Variants in PDE1C observed in about 807,000 individuals in gnomAD.
The protein encoded by PDE1C is dual specificity calcium/calmodulin-dependent 3',5'-cyclic nucleotide phosphodiesterase 1C.
In PDE1C, 62 loss-of-function variants were observed where a neutral mutation model predicts 93.1. The ratio of observed to expected loss-of-function variants is 0.67; its 90% confidence interval spans 0.54 to 0.82. The LOEUF is 0.82. Ranked by LOEUF, PDE1C falls within the 40% of genes least tolerant of loss-of-function variation. The pLI is 0.00. For missense variants in PDE1C, 742 were observed against 884.6 expected (o/e 0.84, Z 2.04); for synonymous variants, 325 against 310.1 (o/e 1.05, Z -0.50).
At chr7:31,968,218 T>G (rs1171328637) in intron 2 of PDE1C, among the ~76,000 whole-genome samples, 2 of 152,192 alleles carry the variant, frequency 1.3e-5, no homozygotes, top group African/African-American at 2.4e-5. Flanking sequence ...CCCCATCGTC[T>G]CAGCCCAAAA....
intron 1 of PDE1C, among the ~76,000 whole-genome samples, chr7:32,058,872 A>G (rs1794453406): frequency 6.6e-6 from 1 of 152,202 alleles, no homozygotes; most frequent in African/African-American, 2.4e-5. Context: ...CTGATGAGCT[A>G]CAAAATGAAA....
chr7:32,109,499 G>T (rs1247305708), intron 3 of PDE1C, among the ~76,000 whole-genome samples: 1 of 152,134 alleles, frequency 6.6e-6, no homozygotes, highest in Non-Finnish European at 1.5e-5. Context: ...GGTTGTGGGG[G>T]CTGTCCTGTG....
At chr7:32,180,509 A>G (rs1395570711) in intron 2 of PDE1C, among the ~76,000 whole-genome samples, 5 of 152,178 alleles carry the variant, frequency 3.3e-5, no homozygotes, top group Non-Finnish European at 7.4e-5. Context: ...TGTCCCTTCC[A>G]TCATGTGAGG....
intron 6 of PDE1C, among the ~76,000 whole-genome samples, chr7:31,870,331 G>C (rs1562948477): frequency 6.6e-6 from 1 of 150,598 alleles, no homozygotes; most frequent in Admixed American, 6.6e-5. Context: ...TTTTTGAAAA[G>C]ACAAACAAAA....
chr7:31,806,095 T>A (rs1367812022), intron 16 of PDE1C, among the ~76,000 whole-genome samples: 1 of 151,898 alleles, frequency 6.6e-6, no homozygotes, highest in Non-Finnish European at 1.5e-5. Flanking sequence ...CATGAGACCA[T>A]CCATAAACAT....
chr7:32,337,284 G>GAA (rs1783646147), intron 1 of PDE1C, among the ~76,000 whole-genome samples: 19 of 152,248 alleles, frequency 1.2e-4, no homozygotes, highest in Admixed American at 1.2e-3. Flanking sequence ...CTTGAACAAG[G>GAA]CAGACACGTA....
intron 2 of PDE1C, among the ~76,000 whole-genome samples, chr7:31,985,036 G>A (rs1258371666): frequency 1.3e-5 from 2 of 152,120 alleles, no homozygotes; most frequent in African/African-American, 4.8e-5. Flanking sequence ...CAAAATGTAA[G>A]GAAATAATTA....
At chr7:32,119,281 A>G (rs932610526) in intron 3 of PDE1C, among the ~76,000 whole-genome samples, 1 of 152,110 alleles carries the variant, frequency 6.6e-6, no homozygotes, top group East Asian at 1.9e-4. Flanking sequence ...CTACAAAATG[A>G]CATTGAAAAG....
chr7:32,043,368 T>C (rs953486198), intron 2 of PDE1C, among the ~76,000 whole-genome samples: 9 of 152,148 alleles, frequency 5.9e-5, no homozygotes, highest in Non-Finnish European at 2.9e-5. Context: ...TTGGGAAGGA[T>C]TTAGAGATTT....
At chr7:32,203,536 C>T (rs1805182003) in intron 2 of PDE1C, among the ~76,000 whole-genome samples, 2 of 152,196 alleles carry the variant, frequency 1.3e-5, no homozygotes, top group African/African-American at 2.4e-5. Context: ...GCTTCACTCC[C>T]CCATCCACCC....
the PDE1C span, chr7:31,651,076 A>G: frequency 1.2e-5 from 18 of 1,553,068 alleles, no homozygotes; most frequent in South Asian, 2.0e-4. Context: ...GACAGGCTCC[A>G]CCATGGTGAG....
chr7:32,206,630 G>T (rs1234960640), intron 2 of PDE1C, among the ~76,000 whole-genome samples: 1 of 152,158 alleles, frequency 6.6e-6, no homozygotes, highest in African/African-American at 2.4e-5. Flanking sequence ...CTGCCCTTGT[G>T]GCTACGATGC....
intron 1 of PDE1C, among the ~76,000 whole-genome samples, chr7:32,244,059 C>A (rs10268033): frequency 2.0e-5 from 3 of 152,100 alleles, no homozygotes; most frequent in African/African-American, 7.3e-5. Flanking sequence ...CTTCTACATT[C>A]TGACACATGA....
chr7:31,720,020 G>A, the PDE1C span, among the ~76,000 whole-genome samples: 3 of 151,410 alleles, frequency 2.0e-5, no homozygotes, highest in Non-Finnish European at 4.4e-5. Context: ...AAAATTAGCC[G>A]GGCGCGGTGG....
intron 1 of PDE1C, among the ~76,000 whole-genome samples, chr7:32,335,301 A>G (rs982509163): frequency 2.0e-5 from 3 of 152,160 alleles, no homozygotes; most frequent in African/African-American, 7.2e-5. Context: ...TCTGCTCCTC[A>G]CTTGGGCCCT....
At chr7:32,308,086 G>A (rs111367791) in intron 1 of PDE1C, among the ~76,000 whole-genome samples, 2,077 of 152,294 alleles carry the variant, frequency 0.014, 49 homozygotes, top group African/African-American at 0.047. Context: ...ATTATATCCC[G>A]CACATGGCTC....
chr7:32,229,328 A>T (rs1415003521), intron 1 of PDE1C, among the ~76,000 whole-genome samples: 5 of 152,238 alleles, frequency 3.3e-5, no homozygotes, highest in African/African-American at 1.2e-4. Context: ...TGCACTGCAC[A>T]AGTCTAGGGA....
chr7:31,880,657 C>A lies in PDE1C; in HGVS notation c.242+90G>T. Reference sequence around the variant, plus strand: ...AAGATGAGTAATTTGAATGTCACCCCATTCCTGGCATGGGGGACAATTTCA... The same window carrying A: ...AAGATGAGTAATTTGAATGTCACCCAATTCCTGGCATGGGGGACAATTTCA... On this transcript the variant is annotated intron_variant, in intron 3 of 17. Coordinates refer to ENST00000396191, the MANE Select transcript of PDE1C (RefSeq NM_001191057.4). 15 of 734,498 alleles carry A rather than the reference C, an allele frequency of 2.0e-5. No homozygotes were observed. The South Asian group carries it at 2.2e-4, about 11-fold the overall frequency. 45.5% of individuals were successfully genotyped at this position (734,498 alleles called of 1,614,324 possible). A position where few individuals can be genotyped will look rare whatever the true frequency, so the allele number is the denominator to read the frequency against.
At chr7:31,927,220 G>C (rs1484003207) in intron 2 of PDE1C, among the ~76,000 whole-genome samples, 1 of 152,162 alleles carries the variant, frequency 6.6e-6, no homozygotes, top group African/African-American at 2.4e-5. Flanking sequence ...GTGTGGCAAA[G>C]GTCCTGGGGC....
Sources: gnomAD v4.1 joint callset for allele counts (sites outside exome capture counted in the v4.1 genomes callset) on GRCh38, gnomAD v4.1.1 for gene constraint, MANE v1.5 for transcripts, NCBI Gene and HGNC (gene_info 2026-07-23, HGNC 2026-07-21) for gene names.